SGCZ: variants seen among roughly 807,000 people sequenced by gnomAD.
SGCZ encodes sarcoglycan zeta.
A neutral mutation model predicts 41.3 loss-of-function variants in SGCZ; 40 were observed. The observed-to-expected ratio is 0.97, with a 90% CI of 0.75 to 1.26. SGCZ has a LOEUF of 1.26. Ranked by LOEUF, SGCZ falls within the 50% of genes most tolerant of loss-of-function variation. The probability of loss-of-function intolerance (pLI) is 0.00; values close to 1 mark genes in which losing one functional copy is unlikely to be tolerated. For synonymous variants in SGCZ, 206 were observed against 137.5 expected (o/e 1.50, Z -3.49); for missense variants, 552 against 369.8 (o/e 1.49, Z -4.04).
chr8:15,162,279 A>G (rs771336905), intron 1 of SGCZ, among the ~76,000 whole-genome samples: 1 of 152,242 alleles, frequency 6.6e-6, no homozygotes, highest in Non-Finnish European at 1.5e-5. Flanking sequence ...AAAGAAATAA[A>G]TAACGAGGAA....
At chr8:15,136,594 C>T (rs1204072400) in intron 1 of SGCZ, among the ~76,000 whole-genome samples, 2 of 151,988 alleles carry the variant, frequency 1.3e-5, no homozygotes, top group Non-Finnish European at 2.9e-5. Context: ...GGGGTGGTTT[C>T]TCCTATGCTA....
chr8:15,182,409 T>C (rs1378240992), intron 1 of SGCZ, among the ~76,000 whole-genome samples: 3 of 152,176 alleles, frequency 2.0e-5, no homozygotes, highest in Admixed American at 2.0e-4. Context: ...ACCTAGATAA[T>C]AGATCCTACT....
intron 2 of SGCZ, among the ~76,000 whole-genome samples, chr8:14,384,453 A>T (rs184090881): frequency 6.6e-6 from 1 of 152,318 alleles, no homozygotes; most frequent in Non-Finnish European, 1.5e-5. Flanking sequence ...TTAACTTGGA[A>T]AGAGGTTTTA....
At position 14,172,512 on chromosome 8, in the gene SGCZ, G is replaced by A. The variant is rs139071979; in HGVS notation, c.425-7810C>T. Among the ~76,000 whole-genome samples, 82 of 152,238 alleles carry A rather than the reference G, an allele frequency of 5.4e-4. No homozygotes were observed. The East Asian group carries it at 0.015, about 28-fold the overall frequency. Reference sequence around the variant, plus strand: ...CGGCGCCATGCCTCTCAAAGGCCATGGTGGAAAAATGAATCTTGGACTTAT... The same window carrying A: ...CGGCGCCATGCCTCTCAAAGGCCATAGTGGAAAAATGAATCTTGGACTTAT... On this transcript the variant is annotated intron_variant, in intron 4 of 7. Coordinates refer to ENST00000382080, the MANE Select transcript of SGCZ (RefSeq NM_139167.4).
At chr8:15,103,588 C>G (rs1009071327) in intron 1 of SGCZ, among the ~76,000 whole-genome samples, 1 of 151,894 alleles carries the variant, frequency 6.6e-6, no homozygotes, top group Admixed American at 6.6e-5. Flanking sequence ...ATAAAGGAGT[C>G]TAAGCCAAGT....
At chr8:14,208,597 T>A (rs1563186466) in intron 4 of SGCZ, among the ~76,000 whole-genome samples, 1 of 152,172 alleles carries the variant, frequency 6.6e-6, no homozygotes, top group African/African-American at 2.4e-5. Context: ...ATATTAGCAA[T>A]TATAATAGAA....
intron 2 of SGCZ, among the ~76,000 whole-genome samples, chr8:14,375,468 TTATAA>T (rs1434142848): frequency 6.6e-6 from 1 of 152,166 alleles, no homozygotes; most frequent in Non-Finnish European, 1.5e-5. Flanking sequence ...ATTTAGATCT[TTATAA>T]TATATTAGGT....
At chr8:14,652,673 G>A (rs867573068) in intron 1 of SGCZ, among the ~76,000 whole-genome samples, 1 of 152,016 alleles carries the variant, frequency 6.6e-6, no homozygotes. Context: ...TTGCAAATTA[G>A]TTAGGTATAA....
At chr8:15,166,077 G>A (rs1268629393) in intron 1 of SGCZ, among the ~76,000 whole-genome samples, 1 of 152,094 alleles carries the variant, frequency 6.6e-6, no homozygotes, top group Non-Finnish European at 1.5e-5. Flanking sequence ...ACATTTAATA[G>A]CCTTCCCAAA....
intron 1 of SGCZ, among the ~76,000 whole-genome samples, chr8:15,164,259 G>T (rs372092281): frequency 1.3e-5 from 2 of 152,282 alleles, no homozygotes; most frequent in South Asian, 4.1e-4. Flanking sequence ...ACCTCTCACT[G>T]TTGCTTCTAC....
At position 14,200,303 on chromosome 8, in the gene SGCZ, C is replaced by G. The variant is rs1817382; in HGVS notation, c.425-35601G>C. On this transcript the variant is annotated intron_variant, in intron 4 of 7. Coordinates refer to ENST00000382080, the MANE Select transcript of SGCZ (RefSeq NM_139167.4). ...TCGATTTTCCCTAAACAGGTATAGTCCATGCATTCTCAATAAAAATCCCAA... is the reference window on the plus strand; with the variant it reads ...TCGATTTTCCCTAAACAGGTATAGTGCATGCATTCTCAATAAAAATCCCAA... Among the ~76,000 whole-genome samples the G allele has an allele frequency of 6.4e-3, 978 of 152,204 alleles. 13 individuals carry two copies. Among genetic ancestry groups the G allele is most frequent in the African/African-American group, 0.021 (886 of 41,516 alleles).
At chr8:14,269,346 C>T (rs1420280840) in intron 3 of SGCZ, among the ~76,000 whole-genome samples, 1 of 152,058 alleles carries the variant, frequency 6.6e-6, no homozygotes, top group African/African-American at 2.4e-5. Context: ...CTAATATAAA[C>T]ATTCTCGTGC....
chr8:14,710,631 A>G (rs983051174), intron 1 of SGCZ, among the ~76,000 whole-genome samples: 3 of 152,072 alleles, frequency 2.0e-5, no homozygotes, highest in Non-Finnish European at 2.9e-5. Context: ...TTACGAAAAA[A>G]TGTCTTTCAA....
At chr8:14,768,421 A>C (rs1228552484) in intron 1 of SGCZ, among the ~76,000 whole-genome samples, 2 of 152,300 alleles carry the variant, frequency 1.3e-5, no homozygotes. Context: ...TTACCTTAAC[A>C]CTGAAGAATG....
At chr8:15,167,265 A>G (rs1256025728) in intron 1 of SGCZ, among the ~76,000 whole-genome samples, 1 of 152,230 alleles carries the variant, frequency 6.6e-6, no homozygotes. Context: ...CAAGGCTTTG[A>G]CTGGATAGGT....
At chr8:14,149,870 C>G (rs1272659751) in intron 5 of SGCZ, among the ~76,000 whole-genome samples, 1 of 152,010 alleles carries the variant, frequency 6.6e-6, no homozygotes, top group Admixed American at 6.6e-5. Context: ...AGAAACAAAT[C>G]CACACACTAC....
intron 1 of SGCZ, among the ~76,000 whole-genome samples, chr8:14,922,130 G>A (rs1799605840): frequency 6.6e-6 from 1 of 151,946 alleles, no homozygotes; most frequent in Non-Finnish European, 1.5e-5. Context: ...CCCTTAGTCA[G>A]CTTCAGACCT....
intron 1 of SGCZ, among the ~76,000 whole-genome samples, chr8:14,738,236 T>C (rs1453186588): frequency 5.9e-5 from 9 of 152,060 alleles, no homozygotes; most frequent in Non-Finnish European, 1.3e-4. Context: ...GGGGGAATCA[T>C]CTTATCTAAT....
chr8:14,223,913 A>T (rs1247941103), intron 4 of SGCZ, among the ~76,000 whole-genome samples: 1 of 152,194 alleles, frequency 6.6e-6, no homozygotes, highest in Non-Finnish European at 1.5e-5. Context: ...ATGTGAAAAG[A>T]GTTTCACTTA....
Sources: allele counts gnomAD v4.1 joint callset (sites outside exome capture counted in the v4.1 genomes callset), GRCh38; gene constraint gnomAD v4.1.1; transcripts MANE v1.5; gene names NCBI Gene and HGNC (gene_info 2026-07-23, HGNC 2026-07-21).